Variants in FOXN3 observed in about 807,000 individuals in gnomAD.
FOXN3 encodes forkhead box protein N3.
In FOXN3, 7 loss-of-function variants were observed where a neutral mutation model predicts 38.4. That is an observed-to-expected ratio of 0.18 (90% CI 0.10 to 0.34). The LOEUF is 0.34. Among genes scored for constraint, FOXN3 ranks in the 10% least tolerant of loss-of-function variants. The pLI is 1.00. For synonymous variants in FOXN3, 230 were observed against 242.2 expected, an observed-to-expected ratio of 0.95 and a Z score of 0.47; for missense variants, 456 against 613.4, an observed-to-expected ratio of 0.74 and a Z score of 2.71.
chr14:89,396,634 C>T (rs1016978333), intron 2 of FOXN3, among the ~76,000 whole-genome samples: 6 of 152,064 alleles, frequency 3.9e-5, no homozygotes, highest in Non-Finnish European at 5.9e-5. Flanking sequence ...GAGTTCAAGA[C>T]CAGCCTGGCC....
intron 3 of FOXN3, among the ~76,000 whole-genome samples, chr14:89,328,877 A>AG (rs1888156332): frequency 6.6e-6 from 1 of 152,224 alleles, no homozygotes; most frequent in Admixed American, 6.5e-5. Context: ...GATGTGGAAG[A>AG]GAAAGATATA....
At chr14:89,276,886 T>C (rs762635204) in intron 4 of FOXN3, among the ~76,000 whole-genome samples, 1 of 152,184 alleles carries the variant, frequency 6.6e-6, no homozygotes, top group Admixed American at 6.5e-5. Flanking sequence ...AAAATCAGCA[T>C]GGCTTGTGGC....
chr14:89,510,313 G>C (rs1033147489), intron 1 of FOXN3, among the ~76,000 whole-genome samples: 1 of 152,210 alleles, frequency 6.6e-6, no homozygotes, highest in Non-Finnish European at 1.5e-5. Flanking sequence ...CGACTGGTTT[G>C]AGAACAGCTT....
chr14:89,554,679 A>G (rs1323529431), intron 1 of FOXN3, among the ~76,000 whole-genome samples: 1 of 152,222 alleles, frequency 6.6e-6, no homozygotes, highest in African/African-American at 2.4e-5. Flanking sequence ...AACAACAAAT[A>G]CTACTAAAAA....
At chr14:89,438,454 C>T (rs933674178) in intron 1 of FOXN3, among the ~76,000 whole-genome samples, 2 of 152,152 alleles carry the variant, frequency 1.3e-5, no homozygotes, top group Non-Finnish European at 2.9e-5. Flanking sequence ...TCTTAGCTAT[C>T]AATAGTGAAG....
At chr14:89,307,747 T>C (rs1887420991) in intron 3 of FOXN3, among the ~76,000 whole-genome samples, 1 of 152,216 alleles carries the variant, frequency 6.6e-6, no homozygotes, top group South Asian at 2.1e-4. Context: ...GGAACCATCC[T>C]TCCCAATCCC....
At chr14:89,495,981 G>A (rs943366966) in intron 1 of FOXN3, among the ~76,000 whole-genome samples, 9 of 152,214 alleles carry the variant, frequency 5.9e-5, no homozygotes, top group Non-Finnish European at 7.3e-5. Flanking sequence ...TTAGGAGGCT[G>A]AAGCGGGTGG....
chr14:89,563,699 G>A (rs999221460), intron 1 of FOXN3, among the ~76,000 whole-genome samples: 1 of 152,056 alleles, frequency 6.6e-6, no homozygotes, highest in African/African-American at 2.4e-5. Context: ...CAGGTGTGAG[G>A]GACATTTGGG....
chr14:89,308,312 T>A lies in FOXN3; in HGVS notation c.681-27298A>T, dbSNP rs575265912. Among the ~76,000 whole-genome samples, 3 of 152,186 alleles carry A rather than the reference T, an allele frequency of 2.0e-5. No individual in the cohort carries two copies. The South Asian group carries it at 6.2e-4, about 32-fold the overall frequency. On this transcript the variant is annotated intron_variant, in intron 3 of 5. Coordinates refer to ENST00000557258, the MANE Select transcript of FOXN3 (RefSeq NM_005197.4). ...ACAAAAAGAAGACAAATGAAAAAAT[T>A]GTATATTTCTGTCCCTAATCCTGCA...
chr14:89,416,324 A>T (rs1891723228), intron 1 of FOXN3, among the ~76,000 whole-genome samples: 2 of 152,232 alleles, frequency 1.3e-5, no homozygotes, highest in South Asian at 4.1e-4. Flanking sequence ...AGATGTCATA[A>T]ACCTTTTATT....
chr14:89,250,885 C>T (rs886079242), intron 4 of FOXN3, among the ~76,000 whole-genome samples: 1 of 152,184 alleles, frequency 6.6e-6, no homozygotes, highest in Admixed American at 6.5e-5. Context: ...TTGCCTGCCA[C>T]CATTTAAGAC....
chr14:89,254,900 C>T (rs56178354), intron 4 of FOXN3, among the ~76,000 whole-genome samples: 125 of 152,228 alleles, frequency 8.2e-4, no homozygotes, highest in African/African-American at 2.8e-3. Context: ...TCCACTCCCC[C>T]ACTAACGACG....
At chr14:89,453,559 C>CA (rs35296047) in intron 1 of FOXN3, among the ~76,000 whole-genome samples, 6,830 of 72,540 alleles carry the variant, frequency 0.094, 1,090 homozygotes, top group African/African-American at 0.28. Context: ...GACTCCGTCT[C>CA]AAAAAAAAAA....
chr14:89,360,751 C>G (rs373591779), intron 2 of FOXN3, among the ~76,000 whole-genome samples: 12,363 of 85,346 alleles, frequency 0.14, 995 homozygotes, highest in Non-Finnish European at 0.18. Context: ...ACCACCTCCA[C>G]CACCACCTCC....
intron 3 of FOXN3, among the ~76,000 whole-genome samples, chr14:89,309,611 A>AG (rs1031635357): frequency 2.1e-4 from 32 of 152,284 alleles, no homozygotes; most frequent in Admixed American, 2.0e-3. Context: ...ACTTTAGCCC[A>AG]GGGGGGTCTC....
chr14:89,416,112 CCGCCCACCCAGCACGCGCG>C (rs1302838767), intron 1 of FOXN3, among the ~76,000 whole-genome samples: 1 of 152,204 alleles, frequency 6.6e-6, no homozygotes, highest in Non-Finnish European at 1.5e-5. Flanking sequence ...CGGGTCACCC[CCGCCCACCCAGCACGCGCG>C]CGCGCGCACG....
intron 5 of FOXN3, among the ~76,000 whole-genome samples, chr14:89,177,009 C>CTTTT (rs34575638): frequency 8.2e-4 from 94 of 114,166 alleles, no homozygotes; most frequent in Non-Finnish European, 1.2e-3. Flanking sequence ...CTCTTTCTTT[C>CTTTT]TTTTTTTTTT....
At chr14:89,526,492 A>G (rs2139829072) in intron 1 of FOXN3, among the ~76,000 whole-genome samples, 1 of 152,320 alleles carries the variant, frequency 6.6e-6, no homozygotes, top group Non-Finnish European at 1.5e-5. Context: ...ACAAAAATAA[A>G]CAATATAATT....
At chr14:89,611,805 CAAAAAAAAAAAA>C (rs56373132) in intron 1 of FOXN3, among the ~76,000 whole-genome samples, 4 of 89,280 alleles carry the variant, frequency 4.5e-5, no homozygotes, top group South Asian at 3.5e-4. Context: ...GACTCCGTCT[CAAAAAAAAAAAA>C]AAAAAAAAAA....
Sources: allele counts gnomAD v4.1 joint callset (sites outside exome capture counted in the v4.1 genomes callset), GRCh38; gene constraint gnomAD v4.1.1; transcripts MANE v1.5; gene names NCBI Gene and HGNC (gene_info 2026-07-23, HGNC 2026-07-21).